RGS6: variants seen among roughly 807,000 people sequenced by gnomAD.
RGS6 encodes the protein regulator of G-protein signaling 6.
RGS6 carries 30 observed loss-of-function variants against 78.5 expected under a neutral mutation model. That is an observed-to-expected ratio of 0.38 (90% confidence interval 0.29 to 0.52). The LOEUF (loss-of-function observed/expected upper bound fraction) is 0.52, where lower values mean the gene tolerates loss of function less well. Ranked by LOEUF, RGS6 falls within the 20% of genes least tolerant of loss-of-function variation. The pLI is 0.85. For synonymous variants in RGS6, 206 were observed against 206.0 expected (o/e 1.00, Z 0.00); for missense variants, 495 against 609.7 (o/e 0.81, Z 1.98).
rs1384323625 is a variant in RGS6, at chr14:72,144,125, C to T, written c.84+179250C>T. 2.0e-5 allele frequency among the ~76,000 whole-genome samples: 3 copies of T among 152,140 alleles called. 1 individual carries two copies. The highest frequency in any genetic ancestry group is 4.4e-5 in the Non-Finnish European group (3 of 68,016). ...ATTTAACCATTATGTGTCTGGAGAGCCATCATGCTTCCTGGTATATTTACT... is the reference window on the plus strand; with the variant it reads ...ATTTAACCATTATGTGTCTGGAGAGTCATCATGCTTCCTGGTATATTTACT... On this transcript the variant is annotated intron_variant, in intron 2 of 17. Transcript: ENST00000553525.
chr14:72,616,618 C>T, the RGS6 span, among the ~76,000 whole-genome samples: 1 of 152,130 alleles, frequency 6.6e-6, no homozygotes, highest in Non-Finnish European at 1.5e-5. Flanking sequence ...CTGGAATAGG[C>T]AGGGCAAGTG....
intron 2 of RGS6, among the ~76,000 whole-genome samples, chr14:72,092,539 G>C (rs374161179): frequency 6.6e-6 from 1 of 151,618 alleles, no homozygotes; most frequent in Non-Finnish European, 1.5e-5. Context: ...CTGCCACCAC[G>C]CCCAGCTAAT....
At chr14:72,028,807 T>G (rs532522382) in intron 2 of RGS6, among the ~76,000 whole-genome samples, 1 of 152,242 alleles carries the variant, frequency 6.6e-6, no homozygotes, top group Non-Finnish European at 1.5e-5. Context: ...ATTGGCCCTC[T>G]GTTTGTTGCT....
intron 2 of RGS6, among the ~76,000 whole-genome samples, chr14:72,000,283 G>T (rs1209387044): frequency 1.3e-5 from 2 of 152,222 alleles, no homozygotes; most frequent in East Asian, 3.8e-4. Flanking sequence ...CCATTCATGG[G>T]ACAGGGCAAC....
At position 72,531,784 on chromosome 14, in the gene RGS6, A is replaced by G. The variant is rs577602069; in HGVS notation, c.1279-4402A>G. Among the ~76,000 whole-genome samples, 4 of 152,376 alleles carry G rather than the reference A, an allele frequency of 2.6e-5. No homozygotes were observed. The East Asian group carries it at 7.7e-4, about 29-fold the overall frequency. ...CCATTTAACATATGCGTGGTCTCATACACTTATTGTTTGTAGTGAGAACAC... is the reference window on the plus strand; with the variant it reads ...CCATTTAACATATGCGTGGTCTCATGCACTTATTGTTTGTAGTGAGAACAC... On this transcript the variant is annotated intron_variant, in intron 15 of 17. Transcript: ENST00000553525.
chr14:72,148,639 G>A (rs2096640772), intron 2 of RGS6, among the ~76,000 whole-genome samples: 2 of 152,156 alleles, frequency 1.3e-5, no homozygotes, highest in South Asian at 4.2e-4. Context: ...AGAATCAATA[G>A]AACTTGGTAT....
At chr14:72,237,247 A>C (rs699360) in intron 2 of RGS6, among the ~76,000 whole-genome samples, 50,088 of 151,854 alleles carry the variant, frequency 0.33, 9,138 homozygotes, top group South Asian at 0.47. Flanking sequence ...AAATCTATTT[A>C]CTTATCGATG....
chr14:71,983,080 T>TAGTTAGTTAGTTAG (rs1457857139), intron 2 of RGS6, among the ~76,000 whole-genome samples: 1 of 152,066 alleles, frequency 6.6e-6, no homozygotes, highest in African/African-American at 2.4e-5. Flanking sequence ...CGTTATTAGT[T>TAGTTAGTTAGTTAG]TTAGATGGAG....
intron 2 of RGS6, among the ~76,000 whole-genome samples, chr14:72,035,053 C>T (rs150041477): frequency 1.7e-4 from 26 of 152,258 alleles, no homozygotes; most frequent in African/African-American, 4.3e-4. Flanking sequence ...AGCATTTCTA[C>T]GTATACACTA....
intron 17 of RGS6, among the ~76,000 whole-genome samples, chr14:72,548,063 C>A (rs145258079): frequency 1.3e-5 from 2 of 152,084 alleles, no homozygotes; most frequent in African/African-American, 4.8e-5. Flanking sequence ...GTATATTCAG[C>A]GTCTTCATGG....
chr14:72,567,082 C>A (rs1313646636), downstream of RGS6, among the ~76,000 whole-genome samples: 2 of 152,148 alleles, frequency 1.3e-5, no homozygotes, highest in Non-Finnish European at 2.9e-5. Flanking sequence ...GTACTGCAAT[C>A]CCTCTATTAA....
At chr14:72,135,701 T>C (rs2096424590) in intron 2 of RGS6, among the ~76,000 whole-genome samples, 1 of 152,034 alleles carries the variant, frequency 6.6e-6, no homozygotes, top group Non-Finnish European at 1.5e-5. Context: ...GTGACTGTAG[T>C]GATATTGATA....
At chr14:72,173,506 G>A (rs184585229) in intron 2 of RGS6, among the ~76,000 whole-genome samples, 2 of 152,286 alleles carry the variant, frequency 1.3e-5, no homozygotes, top group African/African-American at 4.8e-5. Flanking sequence ...CCATCTTCAT[G>A]CTTTGACTTG....
intron 2 of RGS6, among the ~76,000 whole-genome samples, chr14:72,329,012 C>CA (rs2074393594): frequency 6.6e-6 from 1 of 152,194 alleles, no homozygotes; most frequent in Non-Finnish European, 1.5e-5. Context: ...GCTGGGATTA[C>CA]AGGTGCCCAC....
intron 2 of RGS6, among the ~76,000 whole-genome samples, chr14:72,139,549 TTAA>T (rs570797493): frequency 6.1e-4 from 93 of 152,162 alleles, no homozygotes; most frequent in Non-Finnish European, 1.2e-3. Context: ...GTTTCTGAGT[TTAA>T]TAAGCAGAAA....
At chr14:72,051,093 CA>C (rs1178517231) in intron 2 of RGS6, among the ~76,000 whole-genome samples, 2 of 152,040 alleles carry the variant, frequency 1.3e-5, no homozygotes, top group Non-Finnish European at 2.9e-5. Flanking sequence ...CTTTGATTAA[CA>C]ATTATACTAG....
intron 2 of RGS6, among the ~76,000 whole-genome samples, chr14:72,046,118 A>T (rs1025589804): frequency 8.0e-5 from 12 of 150,386 alleles, no homozygotes; most frequent in African/African-American, 2.9e-4. Flanking sequence ...CATTAAAGTC[A>T]TTTTTCTCCC....
At chr14:72,128,672 G>A (rs1485199291) in intron 2 of RGS6, among the ~76,000 whole-genome samples, 1 of 152,174 alleles carries the variant, frequency 6.6e-6, no homozygotes, top group African/African-American at 2.4e-5. Flanking sequence ...AGCAGAGCCA[G>A]CACAGTCATA....
At chr14:72,501,097 C>T (rs948908924) in intron 13 of RGS6, among the ~76,000 whole-genome samples, 4 of 152,038 alleles carry the variant, frequency 2.6e-5, no homozygotes, top group African/African-American at 9.7e-5. Context: ...CTGCCAATCT[C>T]AGGTGGGCTT....
Sources: gnomAD v4.1 joint callset for allele counts (sites outside exome capture counted in the v4.1 genomes callset) on GRCh38, gnomAD v4.1.1 for gene constraint, MANE v1.5 for transcripts, NCBI Gene and HGNC (gene_info 2026-07-23, HGNC 2026-07-21) for gene names.